The following ZNF345 variants were observed in gnomAD, a reference collection of about 807,000 sequenced individuals.
ZNF345 encodes zinc finger protein 345.
For missense variants in ZNF345, 527 were observed against 589.9 expected, an observed-to-expected ratio of 0.89 and a Z score of 1.10; for synonymous variants, 166 against 187.9, an observed-to-expected ratio of 0.88 and a Z score of 0.95.
intron 2 of ZNF345, among the ~76,000 whole-genome samples, chr19:36,871,143 T>G (rs2072762898): frequency 6.6e-6 from 1 of 152,214 alleles, no homozygotes; most frequent in African/African-American, 2.4e-5. Flanking sequence ...GCTTCATAGT[T>G]GGCACCTTCT....
intron 3 of ZNF345, among the ~76,000 whole-genome samples, chr19:36,885,951 TTA>T (rs1213905875): frequency 1.3e-5 from 2 of 152,160 alleles, no homozygotes; most frequent in Non-Finnish European, 2.9e-5. Flanking sequence ...CTAACCATGG[TTA>T]TGTTACTTAG....
chr19:36,859,909 C>T (rs2072509288), intron 2 of ZNF345, among the ~76,000 whole-genome samples: 2 of 151,816 alleles, frequency 1.3e-5, no homozygotes, highest in South Asian at 4.2e-4. Context: ...CAGACACACC[C>T]TACACACATT....
chr19:36,874,940 C>A (rs964829631), intron 2 of ZNF345, among the ~76,000 whole-genome samples: 2 of 152,074 alleles, frequency 1.3e-5, no homozygotes, highest in African/African-American at 4.8e-5. Context: ...TCCACTTGAG[C>A]TTTTTCAGAG....
intron 2 of ZNF345, among the ~76,000 whole-genome samples, chr19:36,868,905 C>T (rs943608186): frequency 3.3e-5 from 5 of 152,032 alleles, no homozygotes; most frequent in African/African-American, 9.7e-5. Flanking sequence ...ATTACCGCCC[C>T]GCCTGGCTTT....
At chr19:36,870,012 C>A (rs1600707864) in intron 2 of ZNF345, among the ~76,000 whole-genome samples, 1 of 152,176 alleles carries the variant, frequency 6.6e-6, no homozygotes, top group South Asian at 2.1e-4. Flanking sequence ...AACTCCTGAC[C>A]TCAAGTGAGC....
intron 3 of ZNF345, chr19:36,892,467 C>A: frequency 1.3e-6 from 2 of 1,565,548 alleles, no homozygotes; most frequent in Non-Finnish European, 1.7e-6. Flanking sequence ...ACATTGATTC[C>A]AGATCTGAAA....
downstream of ZNF345, among the ~76,000 whole-genome samples, chr19:36,881,836 C>T (rs959993429): frequency 4.1e-4 from 63 of 152,036 alleles, no homozygotes; most frequent in African/African-American, 1.4e-3. Flanking sequence ...CATTAAAATG[C>T]GGGGTAAAAA....
chr19:36,868,127 C>T (rs1188863186), intron 2 of ZNF345, among the ~76,000 whole-genome samples: 2 of 151,744 alleles, frequency 1.3e-5, no homozygotes, highest in African/African-American at 4.8e-5. Flanking sequence ...CTCAGGCTCC[C>T]GAGTAGCTGG....
chr19:36,877,303 G>C lies in ZNF345; in HGVS notation c.473G>C (p.Gly158Ala). The change falls in exon 3 of 3, where the codon GGA becomes GCA. Residue 158 changes from glycine to alanine, a missense_variant. Physicochemically the swap from Gly to Ala is moderately conservative, Grantham distance 60. Transcript: ENST00000420450. ...GAATGTGGGAAAGCCTTTAGTTTTG[G>C]ATCAGGCCTTATTCGACATCAGATC... ...CKECGKAFSF[G>A]SGLIRHQIIH... is the part of the protein sequence containing the mutation. The C allele has an allele frequency of 6.2e-7, 1 of 1,613,948 alleles. No individual in the cohort carries two copies. Among genetic ancestry groups the C allele is most frequent in the African/African-American group, 1.3e-5 (1 of 74,962 alleles).
intron 3 of ZNF345, chr19:36,889,604 CTG>C (rs1688526358): frequency 1.3e-5 from 2 of 152,246 alleles, no homozygotes; most frequent in South Asian, 2.1e-4. Context: ...TTTTATATGT[CTG>C]TGTTATCAGT....
At chr19:36,857,811 T>C (rs1404633420) in intron 2 of ZNF345, among the ~76,000 whole-genome samples, 1 of 151,924 alleles carries the variant, frequency 6.6e-6, no homozygotes, top group Non-Finnish European at 1.5e-5. Flanking sequence ...TAGGTTTTGC[T>C]CTTGTCACCC....
chr19:36,886,993 C>CAAAAAA (rs57034209), intron 3 of ZNF345, among the ~76,000 whole-genome samples: 1 of 40,790 alleles, frequency 2.5e-5, no homozygotes, highest in African/African-American at 8.3e-5. Context: ...GACTCCGTCT[C>CAAAAAA]AAAAAAAAAA....
At chr19:36,860,020 T>C (rs2072513341) in intron 2 of ZNF345, among the ~76,000 whole-genome samples, 1 of 152,216 alleles carries the variant, frequency 6.6e-6, no homozygotes, top group East Asian at 1.9e-4. Flanking sequence ...TGCAGGGGCG[T>C]GATCTCGGCT....
chr19:36,865,005 C>G (rs957414699), intron 2 of ZNF345, among the ~76,000 whole-genome samples: 2 of 152,140 alleles, frequency 1.3e-5, no homozygotes, highest in Non-Finnish European at 2.9e-5. Context: ...TCAGACAAGG[C>G]TACTGGGTGC....
intron 3 of ZNF345, among the ~76,000 whole-genome samples, chr19:36,887,394 G>T (rs1044057928): frequency 1.3e-5 from 2 of 152,146 alleles, no homozygotes; most frequent in Non-Finnish European, 2.9e-5. Context: ...TTAATTAATT[G>T]TAACAAATGT....
chr19:36,892,968 C>T, exon 4 of ZNF345: 1 of 474,210 alleles, frequency 2.1e-6, no homozygotes, highest in Non-Finnish European at 3.5e-6. Flanking sequence ...CGCTTCTGCT[C>T]CAGGGCATGC....
rs561119616 is a variant in ZNF345 at position 36,885,898 on chromosome 19, A to G, written c.47-6920A>G. On this transcript the variant is annotated intron_variant, in intron 3 of 3. Transcript: ENST00000526123. ...ATTCTTTCCCCCCAGTTATATTCCA[A>G]TTCTACCCGCCTCTCATCACCTTTC... Among the ~76,000 whole-genome samples, 4 of 152,140 alleles carry G rather than the reference A, an allele frequency of 2.6e-5. No individual in the cohort carries two copies. The South Asian group carries it at 8.3e-4, about 32-fold the overall frequency.
chr19:36,874,726 C>T (rs2072848536), intron 2 of ZNF345, among the ~76,000 whole-genome samples: 1 of 152,202 alleles, frequency 6.6e-6, no homozygotes, highest in Admixed American at 6.5e-5. Context: ...TTGCAGCGAT[C>T]TGAGATCATG....
At chr19:36,861,894 C>A (rs1321008473) in intron 2 of ZNF345, among the ~76,000 whole-genome samples, 1 of 138,328 alleles carries the variant, frequency 7.2e-6, no homozygotes, top group South Asian at 2.3e-4. Context: ...TGGTGTCTTG[C>A]CCTGTCACCC....
Sources: allele counts gnomAD v4.1 joint callset (sites outside exome capture counted in the v4.1 genomes callset), GRCh38; gene constraint gnomAD v4.1.1; transcripts MANE v1.5; gene names NCBI Gene and HGNC (gene_info 2026-07-23, HGNC 2026-07-21).